GALNTL6: variants seen among roughly 807,000 people sequenced by gnomAD.
GALNTL6 encodes the protein polypeptide N-acetylgalactosaminyltransferase-like 6.
In GALNTL6, 46 loss-of-function variants were observed where a neutral mutation model predicts 73.7. That is an observed-to-expected ratio of 0.62 (90% confidence interval 0.49 to 0.80). The LOEUF is 0.80. Among genes scored for constraint, GALNTL6 ranks in the 30% least tolerant of loss-of-function variants. The pLI is 0.00. For synonymous variants in GALNTL6, 259 were observed against 263.7 expected (o/e 0.98, Z 0.17); for missense variants, 604 against 755.0 (o/e 0.80, Z 2.34).
At chr4:172,264,577 T>C (rs1222898424) in intron 3 of GALNTL6, among the ~76,000 whole-genome samples, 2 of 123,596 alleles carry the variant, frequency 1.6e-5, no homozygotes, top group African/African-American at 5.9e-5. Flanking sequence ...TATATATATA[T>C]ATATATATAT....
chr4:172,670,667 T>G (rs529449189), intron 5 of GALNTL6, among the ~76,000 whole-genome samples: 3 of 152,210 alleles, frequency 2.0e-5, no homozygotes, highest in Non-Finnish European at 4.4e-5. Flanking sequence ...AGATCCCATT[T>G]GTCAATTTTT....
intron 2 of GALNTL6, among the ~76,000 whole-genome samples, chr4:171,914,698 A>T (rs568177522): frequency 3.7e-4 from 56 of 151,720 alleles, no homozygotes; most frequent in African/African-American, 1.2e-3. Context: ...TTACAGGCAT[A>T]AGCCACCATG....
intron 5 of GALNTL6, among the ~76,000 whole-genome samples, chr4:172,379,572 CT>C: frequency 6.9e-6 from 1 of 145,324 alleles, no homozygotes; most frequent in Non-Finnish European, 1.5e-5. Context: ...GGGTTAGCTG[CT>C]TTTAATCAAT....
chr4:173,000,710 T>C (rs1265272506), intron 10 of GALNTL6, among the ~76,000 whole-genome samples: 3 of 152,124 alleles, frequency 2.0e-5, no homozygotes, highest in Non-Finnish European at 2.9e-5. Context: ...AAGATAGACA[T>C]ATAGACCAAG....
At chr4:172,198,623 T>C (rs28414265) in intron 2 of GALNTL6, among the ~76,000 whole-genome samples, 65,771 of 151,988 alleles carry the variant, frequency 0.43, 14,979 homozygotes, top group African/African-American at 0.57. Flanking sequence ...ACTTTATCAC[T>C]TAGCAGGAAA....
chr4:172,467,748 C>G (rs544374438), intron 5 of GALNTL6, among the ~76,000 whole-genome samples: 1 of 152,232 alleles, frequency 6.6e-6, no homozygotes, highest in South Asian at 2.1e-4. Flanking sequence ...TCCTTGCAAT[C>G]AGCTTATTGA....
At chr4:171,816,312 T>A (rs1312406591) in intron 2 of GALNTL6, 1 of 151,986 alleles carries the variant, frequency 6.6e-6, no homozygotes, top group East Asian at 1.9e-4. Context: ...ACTTTCACAT[T>A]GACTCTATAA....
intron 4 of GALNTL6, among the ~76,000 whole-genome samples, chr4:172,333,362 G>A (rs1393216826): frequency 6.6e-6 from 1 of 152,116 alleles, no homozygotes; most frequent in Non-Finnish European, 1.5e-5. Flanking sequence ...CCGAGATCGT[G>A]CAATTGCATT....
At chr4:172,167,844 A>G (rs1055163827) in intron 2 of GALNTL6, among the ~76,000 whole-genome samples, 3 of 148,958 alleles carry the variant, frequency 2.0e-5, no homozygotes, top group Non-Finnish European at 4.4e-5. Flanking sequence ...CTGTAGTCCC[A>G]GCTACTCGGG....
At chr4:172,333,204 G>T (rs1290201538) in intron 4 of GALNTL6, among the ~76,000 whole-genome samples, 2 of 152,058 alleles carry the variant, frequency 1.3e-5, no homozygotes, top group Non-Finnish European at 2.9e-5. Flanking sequence ...TTGGGAGTTC[G>T]AGACCAGCCT....
At chr4:172,997,658 G>A (rs1751856068) in intron 10 of GALNTL6, among the ~76,000 whole-genome samples, 1 of 152,146 alleles carries the variant, frequency 6.6e-6, no homozygotes, top group Non-Finnish European at 1.5e-5. Context: ...GCAGGGGGAA[G>A]GGTGAAGAGA....
chr4:171,912,670 C>T (rs2110964699), intron 2 of GALNTL6, among the ~76,000 whole-genome samples: 1 of 152,200 alleles, frequency 6.6e-6, no homozygotes, highest in South Asian at 2.1e-4. Context: ...GGTTCTTTTA[C>T]CTGGTCCCCA....
intron 2 of GALNTL6, among the ~76,000 whole-genome samples, chr4:172,177,841 A>ATATATACACACACATATATATGTG (rs1560955731): frequency 3.3e-5 from 1 of 30,642 alleles, no homozygotes; most frequent in Non-Finnish European, 1.4e-4. Context: ...ACACATATAT[A>ATATATACACACACATATATATGTG]TGTGTATATA....
rs1244964528 is a variant in GALNTL6 at position 172,348,608 on chromosome 4, C to T, written c.472C>T (p.Arg158Trp). 3 of 1,611,622 alleles carry T rather than the reference C, an allele frequency of 1.9e-6. No individual in the cohort carries two copies. The highest frequency in any genetic ancestry group is 1.7e-5 in the Admixed American group (1 of 59,950). ...TAATGAAGGTTGGACTTCACTCCTG[C>T]GGACCATACACAGTATAATTAACCG... ...FHNEGWTSLLRTIHSIINRTP... is the reference protein window; with the variant it reads ...FHNEGWTSLLWTIHSIINRTP... Residue 158 changes from arginine (R) to tryptophan (W), a missense_variant, in exon 5 of 13, where the codon CGG becomes TGG. Arg to Trp is a moderately radical substitution (Grantham distance 101, BLOSUM62 -3). Coordinates refer to ENST00000506823, the MANE Select transcript of GALNTL6 (RefSeq NM_001034845.3).
intron 5 of GALNTL6, among the ~76,000 whole-genome samples, chr4:172,484,545 AT>A (rs1223561619): frequency 6.6e-6 from 1 of 151,880 alleles, no homozygotes; most frequent in Non-Finnish European, 1.5e-5. Flanking sequence ...TTATTTAATG[AT>A]TTTTTTTCTG....
Position 172,578,791 on chromosome 4 carries a change from G to A in GALNTL6, c.553+230102G>A, listed in dbSNP as rs114940549. Among the ~76,000 whole-genome samples the A allele has an allele frequency of 4.5e-4, 68 of 152,280 alleles. 1 individual carries two copies. The highest frequency in any genetic ancestry group is 1.4e-3 in the African/African-American group (59 of 41,556). ...GCCAGTATATATATTTCAGGAGACC[G>A]TGTGTTTTTATCTCTATGGATGTGG... On this transcript the variant is annotated intron_variant, in intron 5 of 12. Transcript: ENST00000506823.
At chr4:172,165,699 T>A (rs944515261) in intron 2 of GALNTL6, among the ~76,000 whole-genome samples, 1 of 152,090 alleles carries the variant, frequency 6.6e-6, no homozygotes, top group African/African-American at 2.4e-5. Context: ...AAGAAAAAAA[T>A]TCAAATACCC....
In GALNTL6 at chr4:172,959,880, G is replaced by T. The variant is rs187207527; in HGVS notation, c.1371+7622G>T. Among the ~76,000 whole-genome samples the T allele has an allele frequency of 7.1e-3, 1,081 of 152,342 alleles. 10 individuals are homozygous for T. The highest frequency in any genetic ancestry group is 0.025 in the African/African-American group (1,033 of 41,572). Reference sequence around the variant, plus strand: ...CCTGGAGGAATGCCTGCCTGCTGCGGTTTAGGCGTTTGGAAGTTCTTGTGT... The same window carrying T: ...CCTGGAGGAATGCCTGCCTGCTGCGTTTTAGGCGTTTGGAAGTTCTTGTGT... On this transcript the variant is annotated intron_variant, in intron 10 of 12. Coordinates refer to ENST00000506823, the MANE Select transcript of GALNTL6 (RefSeq NM_001034845.3).
intron 8 of GALNTL6, among the ~76,000 whole-genome samples, chr4:172,893,982 G>A (rs932050297): frequency 6.6e-6 from 1 of 152,152 alleles, no homozygotes; most frequent in Admixed American, 6.5e-5. Flanking sequence ...CTGGTCCTCA[G>A]CATTCACCAA....
Sources: allele counts gnomAD v4.1 joint callset (sites outside exome capture counted in the v4.1 genomes callset), GRCh38; gene constraint gnomAD v4.1.1; transcripts MANE v1.5; gene names NCBI Gene and HGNC (gene_info 2026-07-23, HGNC 2026-07-21).